LPAR6: variants seen among roughly 807,000 people sequenced by gnomAD.
The protein encoded by LPAR6 is lysophosphatidic acid receptor 6, also known as G-protein coupled purinergic receptor P2Y5.
A neutral mutation model predicts 22.0 loss-of-function variants in LPAR6; 17 were observed. The observed-to-expected ratio is 0.77, with a 90% CI of 0.53 to 1.16. The LOEUF (loss-of-function observed/expected upper bound fraction) is 1.16, where lower values mean the gene tolerates loss of function less well. Ranked by LOEUF, LPAR6 falls within the 50% of genes most tolerant of loss-of-function variation. The pLI is 0.00. For missense variants in LPAR6, 384 were observed against 406.9 expected (o/e 0.94, Z 0.48); for synonymous variants, 136 against 139.8 (o/e 0.97, Z 0.19).
At chr13:48,435,125 A>G (rs1949170478) in intron 1 of LPAR6, among the ~76,000 whole-genome samples, 1 of 152,216 alleles carries the variant, frequency 6.6e-6, no homozygotes, top group African/African-American at 2.4e-5. Context: ...TTCTTTGATA[A>G]AAGACTGCAA....
chr13:48,391,248 TCCAA>T (rs1490800110), intron 1 of LPAR6, among the ~76,000 whole-genome samples: 1 of 152,234 alleles, frequency 6.6e-6, no homozygotes, highest in Non-Finnish European at 1.5e-5. Flanking sequence ...TTTTCCCTTT[TCCAA>T]CCTTTGGGCT....
intron 1 of LPAR6, among the ~76,000 whole-genome samples, chr13:48,423,758 G>A (rs889075799): frequency 2.0e-5 from 3 of 152,138 alleles, no homozygotes; most frequent in Admixed American, 2.0e-4. Context: ...TCAAAAGAAA[G>A]TGTGAGCCAG....
At chr13:48,436,187 G>C (rs111584463) in intron 1 of LPAR6, among the ~76,000 whole-genome samples, 3 of 152,310 alleles carry the variant, frequency 2.0e-5, no homozygotes, top group African/African-American at 7.2e-5. Flanking sequence ...GCTGGTTGGT[G>C]ATGAAGGAAA....
chr13:48,415,258 T>C (rs545917826), upstream of LPAR6, among the ~76,000 whole-genome samples: 4 of 152,104 alleles, frequency 2.6e-5, no homozygotes, highest in South Asian at 8.3e-4. Context: ...CATTCATCTA[T>C]AGTTTTTTCT....
intron 1 of LPAR6, among the ~76,000 whole-genome samples, chr13:48,405,304 TAAATC>T (rs1243015104): frequency 2.0e-5 from 3 of 152,310 alleles, no homozygotes; most frequent in African/African-American, 7.2e-5. Context: ...TTAAAGTTGA[TAAATC>T]AAGTAATAAG....
At chr13:48,396,458 A>G (rs1957710085) in intron 1 of LPAR6, among the ~76,000 whole-genome samples, 1 of 152,190 alleles carries the variant, frequency 6.6e-6, no homozygotes, top group South Asian at 2.1e-4. Flanking sequence ...AGAAAACTGA[A>G]ACTGGACCCC....
chr13:48,408,817 A>G (rs999944815), downstream of LPAR6: 1 of 152,200 alleles, frequency 6.6e-6, no homozygotes, highest in African/African-American at 2.4e-5. Context: ...AGTAATAACA[A>G]CTATTTAATG....
intron 1 of LPAR6, chr13:48,389,867 A>G (rs1948598385): frequency 2.0e-5 from 3 of 152,300 alleles, no homozygotes; most frequent in Non-Finnish European, 4.4e-5. Context: ...AAGAAACAGG[A>G]TATTTGGCAG....
At chr13:48,405,929 C>T (rs776416311) in intron 1 of LPAR6, among the ~76,000 whole-genome samples, 3 of 152,034 alleles carry the variant, frequency 2.0e-5, no homozygotes, top group African/African-American at 7.2e-5. Context: ...TTAACACTAC[C>T]TTCTTGAAGT....
At chr13:48,431,010 A>G (rs1302621237), upstream of LPAR6, among the ~76,000 whole-genome samples, 1 of 152,198 alleles carries the variant, frequency 6.6e-6, no homozygotes, top group Non-Finnish European at 1.5e-5. Flanking sequence ...AGGTTTGACT[A>G]AATAATTTTG....
chr13:48,396,883 C>T (rs1443698546), intron 1 of LPAR6, among the ~76,000 whole-genome samples: 1 of 152,016 alleles, frequency 6.6e-6, no homozygotes, highest in Non-Finnish European at 1.5e-5. Flanking sequence ...GGCCAACAAA[C>T]ATATGAAAAA....
intron 1 of LPAR6, among the ~76,000 whole-genome samples, chr13:48,391,249 C>G (rs1948608231): frequency 6.6e-6 from 1 of 152,176 alleles, no homozygotes; most frequent in Non-Finnish European, 1.5e-5. Flanking sequence ...TTTCCCTTTT[C>G]CAACCTTTGG....
At chr13:48,400,069 G>A (rs546199750) in intron 1 of LPAR6, among the ~76,000 whole-genome samples, 1 of 152,210 alleles carries the variant, frequency 6.6e-6, no homozygotes, top group South Asian at 2.1e-4. Flanking sequence ...ACTCAGGAAT[G>A]TCCTGTAGGT....
In LPAR6 at chr13:48,412,018, C is replaced by T; in HGVS notation, c.406G>A (p.Val136Ile). 6.2e-7 allele frequency: 1 copy of T among 1,612,586 alleles called. No homozygotes were observed. Among genetic ancestry groups the T allele is most frequent in the Non-Finnish European group, 8.5e-7 (1 of 1,179,282 alleles). Residue 136 changes from valine (V) to isoleucine (I), a missense_variant, in exon 1 of 1, where the codon GTT becomes ATT. Physicochemically the swap from Val to Ile is conservative, Grantham distance 29 (BLOSUM62 3). Coordinates refer to ENST00000620633, the MANE Select transcript of LPAR6 (RefSeq NM_001162498.3). ...ACAGTTAACCACACGCCAGTGCAAA[C>T]AATCTTTGCATTTCTTTTGGTTCTT... ...TLRTKRNAKI[V>I]CTGVWLTVIG...
intron 1 of LPAR6, among the ~76,000 whole-genome samples, chr13:48,423,695 A>G (rs1374861126): frequency 1.3e-5 from 2 of 152,234 alleles, no homozygotes; most frequent in African/African-American, 4.8e-5. Flanking sequence ...AAAAAGAAAA[A>G]AATCAAATGA....
intron 1 of LPAR6, among the ~76,000 whole-genome samples, chr13:48,405,380 A>C (rs1593473376): frequency 6.6e-6 from 1 of 152,298 alleles, no homozygotes; most frequent in East Asian, 1.9e-4. Flanking sequence ...GGGCTTTTGA[A>C]GAATTTTAAG....
In LPAR6 at chr13:48,412,018, C is replaced by A; in HGVS notation, c.406G>T (p.Val136Phe). 1 of 1,612,586 alleles carries A rather than the reference C, an allele frequency of 6.2e-7. No individual in the cohort carries two copies. Among genetic ancestry groups the A allele is most frequent in the Non-Finnish European group, 8.5e-7 (1 of 1,179,282 alleles). The change falls in exon 1 of 1, where the codon GTT (valine) becomes TTT (phenylalanine). Residue 136 changes from valine (V) to phenylalanine (F), a missense_variant. Transcript: ENST00000620633. ...ACAGTTAACCACACGCCAGTGCAAA[C>A]AATCTTTGCATTTCTTTTGGTTCTT... is the stretch of plus-strand genomic sequence containing the variant. ...TLRTKRNAKIVCTGVWLTVIG... is the reference protein window; with the variant it reads ...TLRTKRNAKIFCTGVWLTVIG...
upstream of LPAR6, among the ~76,000 whole-genome samples, chr13:48,431,332 A>T (rs1010457660): frequency 6.6e-6 from 1 of 152,106 alleles, no homozygotes; most frequent in Non-Finnish European, 1.5e-5. Flanking sequence ...TTTATTATAG[A>T]TGATTGATTT....
At chr13:48,430,603 G>A (rs1414359480), upstream of LPAR6, among the ~76,000 whole-genome samples, 1 of 152,120 alleles carries the variant, frequency 6.6e-6, no homozygotes, top group Admixed American at 6.6e-5. Flanking sequence ...AGCTGGGCAT[G>A]GTGGCACGTG....
Sources: gnomAD v4.1 joint callset for allele counts (sites outside exome capture counted in the v4.1 genomes callset) on GRCh38, gnomAD v4.1.1 for gene constraint, MANE v1.5 for transcripts, NCBI Gene and HGNC (gene_info 2026-07-23, HGNC 2026-07-21) for gene names.